PPP1R14C: variants seen among roughly 807,000 people sequenced by gnomAD.
The protein encoded by PPP1R14C is protein phosphatase 1 regulatory subunit 14C.
Under a neutral mutation model 20.4 loss-of-function variants are expected in PPP1R14C, and 16 were observed. The ratio of observed to expected loss-of-function variants is 0.78; its 90% CI spans 0.53 to 1.19. The LOEUF (loss-of-function observed/expected upper bound fraction) is 1.19, where lower values mean the gene tolerates loss of function less well. Ranked by LOEUF, PPP1R14C falls within the 50% of genes most tolerant of loss-of-function variation. The probability of loss-of-function intolerance (pLI) is 0.00; values close to 1 mark genes in which losing one functional copy is unlikely to be tolerated. For missense variants in PPP1R14C, 211 were observed against 220.1 expected (o/e 0.96, Z 0.26); for synonymous variants, 91 against 91.0 (o/e 1.00, Z 0.00).
At chr6:150,212,281 G>A (rs1030520209) in intron 1 of PPP1R14C, among the ~76,000 whole-genome samples, 10 of 152,214 alleles carry the variant, frequency 6.6e-5, no homozygotes, top group Non-Finnish European at 1.3e-4. Flanking sequence ...GAACTGAGTT[G>A]TATTTCATTT....
At chr6:150,222,736 C>G (rs1336506816) in intron 3 of PPP1R14C, among the ~76,000 whole-genome samples, 1 of 143,234 alleles carries the variant, frequency 7.0e-6, no homozygotes, top group Non-Finnish European at 1.5e-5. Context: ...ATAGCCATAG[C>G]ATGAACATTT....
At chr6:150,206,456 C>T (rs922784229) in intron 1 of PPP1R14C, among the ~76,000 whole-genome samples, 1 of 152,132 alleles carries the variant, frequency 6.6e-6, no homozygotes, top group African/African-American at 2.4e-5. Context: ...TTCTGAGATC[C>T]TGATGTAGAT....
chr6:150,182,000 T>G (rs1019477275), intron 1 of PPP1R14C, among the ~76,000 whole-genome samples: 1 of 152,094 alleles, frequency 6.6e-6, no homozygotes, highest in Admixed American at 6.6e-5. Flanking sequence ...TAAGAATTAG[T>G]TTTTTTTGGA....
intron 1 of PPP1R14C, among the ~76,000 whole-genome samples, chr6:150,184,482 C>A (rs941818389): frequency 4.6e-5 from 7 of 152,208 alleles, no homozygotes; most frequent in African/African-American, 1.7e-4. Context: ...GTGATGTTTG[C>A]ACAATGACAG....
In PPP1R14C at chr6:150,151,048, G is replaced by GT. The variant is rs369009579; in HGVS notation, c.306+7559dup. ...TTTTTTTTGTTGTTTGTTTTGTTTTGTTTTTTTTTCCTTCACTCCTGCGTG... is the reference window on the plus strand; with the variant it reads ...TTTTTTTTGTTGTTTGTTTTGTTTTGTTTTTTTTTTCCTTCACTCCTGCGTG... On this transcript the variant is annotated intron_variant, in intron 1 of 3. Coordinates refer to ENST00000361131, the MANE Select transcript of PPP1R14C (RefSeq NM_030949.3). 7.9e-4 allele frequency among the ~76,000 whole-genome samples: 118 copies of GT among 149,760 alleles called. No homozygotes were observed. In the South Asian group the frequency reaches 8.8e-3, roughly 11 times the overall value.
chr6:150,223,206 T>G (rs529572592), intron 3 of PPP1R14C, among the ~76,000 whole-genome samples: 70 of 152,334 alleles, frequency 4.6e-4, no homozygotes, highest in African/African-American at 1.7e-3. Flanking sequence ...CTGAATAATA[T>G]TCTATTATCT....
At chr6:150,222,914 G>A (rs573644829) in intron 3 of PPP1R14C, among the ~76,000 whole-genome samples, 9 of 151,532 alleles carry the variant, frequency 5.9e-5, no homozygotes, top group Admixed American at 2.6e-4. Context: ...GATTACAGGC[G>A]CGTGCCACCA....
intron 1 of PPP1R14C, among the ~76,000 whole-genome samples, chr6:150,178,079 C>G (rs1777582507): frequency 6.6e-6 from 1 of 152,196 alleles, no homozygotes; most frequent in Admixed American, 6.5e-5. Flanking sequence ...TCTCCTGGAG[C>G]CGCGGCTGGC....
At chr6:150,194,587 T>A in intron 1 of PPP1R14C, 1 of 978,714 alleles carries the variant, frequency 1.0e-6, no homozygotes, top group Non-Finnish European at 1.2e-6. Flanking sequence ...AATGATTAAA[T>A]AGTGTTTTAT....
intron 1 of PPP1R14C, among the ~76,000 whole-genome samples, chr6:150,158,609 CT>C (rs1477721858): frequency 2.0e-5 from 3 of 152,116 alleles, no homozygotes; most frequent in Non-Finnish European, 4.4e-5. Context: ...ATCAGTAGTG[CT>C]TTTTAGTATC....
intron 1 of PPP1R14C, among the ~76,000 whole-genome samples, chr6:150,164,052 T>A (rs947086911): frequency 3.9e-5 from 6 of 152,234 alleles, no homozygotes; most frequent in African/African-American, 1.4e-4. Context: ...ATTTTCTGAC[T>A]TTTTCATTTA....
intron 3 of PPP1R14C, among the ~76,000 whole-genome samples, chr6:150,222,420 A>G (rs559403573): frequency 1.3e-5 from 2 of 152,196 alleles, no homozygotes; most frequent in Non-Finnish European, 2.9e-5. Flanking sequence ...AGAGAGGTAC[A>G]TTTGTTAGAA....
chr6:150,191,326 G>T (rs1777743966), intron 1 of PPP1R14C, among the ~76,000 whole-genome samples: 1 of 152,244 alleles, frequency 6.6e-6, no homozygotes, highest in Non-Finnish European at 1.5e-5. Flanking sequence ...GGAGTGCAAA[G>T]ATTCTGTCAA....
chr6:150,220,145 G>A (rs144609659), intron 3 of PPP1R14C, among the ~76,000 whole-genome samples: 1,723 of 152,282 alleles, frequency 0.011, 22 homozygotes, highest in South Asian at 0.022. Context: ...AAGAGCCACC[G>A]CGCCCGGCCA....
chr6:150,212,050 G>A (rs922638105), intron 1 of PPP1R14C, among the ~76,000 whole-genome samples: 1 of 152,204 alleles, frequency 6.6e-6, no homozygotes, highest in Non-Finnish European at 1.5e-5. Flanking sequence ...GTGACCTTGA[G>A]ATGCCTGGCA....
In PPP1R14C at chr6:150,249,535, A is replaced by C. The variant is rs1205414038; in HGVS notation, c.*715A>C. 5.0e-6 allele frequency: 2 copies of C among 398,616 alleles called. No homozygotes were observed. Among genetic ancestry groups the C allele is most frequent in the Non-Finnish European group, 4.4e-6 (1 of 226,066 alleles). The allele number at this position is 398,616 out of a possible 1,614,324, so 24.7% of individuals were successfully genotyped here. A position where few individuals can be genotyped will look rare whatever the true frequency, so the allele number is the denominator to read the frequency against. On this transcript the variant is annotated 3_prime_UTR_variant, in exon 4 of 4. Coordinates refer to ENST00000361131, the MANE Select transcript of PPP1R14C (RefSeq NM_030949.3). ...ATTTCATTGGTTGGGATGCTTTGCC[A>C]GGTCATGTGCTTATTGTCTCATTTT...
At chr6:150,160,431 ATTTT>A (rs71010884) in intron 1 of PPP1R14C, among the ~76,000 whole-genome samples, 1 of 142,742 alleles carries the variant, frequency 7.0e-6, no homozygotes, top group African/African-American at 2.6e-5. Flanking sequence ...CACCCAGCTA[ATTTT>A]TTTTTTTTTT....
At chr6:150,150,923 G>A (rs151314689) in intron 1 of PPP1R14C, among the ~76,000 whole-genome samples, 57 of 151,900 alleles carry the variant, frequency 3.8e-4, no homozygotes, top group Non-Finnish European at 5.4e-4. Context: ...TTCCCCCACC[G>A]CACATGCCGC....
In PPP1R14C at chr6:150,194,786, T is replaced by TG. The variant is rs1562266159; in HGVS notation, c.307-19953dup. 11 of 985,338 alleles carry TG rather than the reference T, an allele frequency of 1.1e-5. No homozygotes were observed. In the South Asian group the frequency reaches 4.7e-4, roughly 42 times the overall value. 61.0% of individuals were successfully genotyped at this position (985,338 alleles called of 1,614,324 possible). Reference sequence around the variant, plus strand: ...GACCCTGTTTTGTTTGACCACTGCTTGGGGGTTGATGTTTGTTATTCTTTA... The same window carrying TG: ...GACCCTGTTTTGTTTGACCACTGCTTGGGGGGTTGATGTTTGTTATTCTTTA... On this transcript the variant is annotated intron_variant, in intron 1 of 3. Transcript: ENST00000361131.
Sources: allele counts gnomAD v4.1 joint callset (sites outside exome capture counted in the v4.1 genomes callset), GRCh38; gene constraint gnomAD v4.1.1; transcripts MANE v1.5; gene names NCBI Gene and HGNC (gene_info 2026-07-23, HGNC 2026-07-21).